The following SEL1L2 variants were observed in gnomAD, a reference collection of about 807,000 sequenced individuals.
SEL1L2 encodes the protein SEL1L2 adaptor subunit of SYVN1 ubiquitin ligase.
SEL1L2 carries 89 observed loss-of-function variants against 98.8 expected under a neutral mutation model. The ratio of observed to expected loss-of-function variants is 0.90; its 90% CI spans 0.76 to 1.07. SEL1L2 has a LOEUF of 1.07. SEL1L2 is among the 50% of genes least tolerant of loss of function. SEL1L2 has a pLI of 0.00. For synonymous variants in SEL1L2, 262 were observed against 278.5 expected, an observed-to-expected ratio of 0.94 and a Z score of 0.59; for missense variants, 788 against 812.0, an observed-to-expected ratio of 0.97 and a Z score of 0.36.
chr20:13,885,906 G>A (rs2046928831), intron 9 of SEL1L2, among the ~76,000 whole-genome samples: 1 of 152,006 alleles, frequency 6.6e-6, no homozygotes, highest in Admixed American at 6.6e-5. Flanking sequence ...GTGGTGGTGT[G>A]GGCACCTGTA....
chr20:13,993,989 T>C (rs1399622494), upstream of SEL1L2, among the ~76,000 whole-genome samples: 1 of 152,164 alleles, frequency 6.6e-6, no homozygotes, highest in African/African-American at 2.4e-5. Flanking sequence ...TTATCCCAAA[T>C]CTATTTTTTT....
In SEL1L2 at chr20:13,849,400, T is replaced by G; in HGVS notation, c.*85A>C. The G allele has an allele frequency of 6.5e-7, 1 of 1,538,468 alleles. No individual in the cohort carries two copies. The highest frequency in any genetic ancestry group is 1.4e-5 in the African/African-American group (1 of 73,596). ...TGAGCGGGAAACTGCAGCGGACTCT[T>G]GATTTGGATGGGAAACTGTTTATTT... On this transcript the variant is annotated 3_prime_UTR_variant, in exon 20 of 20. Coordinates refer to ENST00000284951, the MANE Select transcript of SEL1L2 (RefSeq NM_025229.2).
intron 5 of SEL1L2, among the ~76,000 whole-genome samples, chr20:13,888,971 T>A (rs1233106311): frequency 6.7e-6 from 1 of 148,896 alleles, no homozygotes; most frequent in Admixed American, 6.7e-5. Flanking sequence ...CTTTTTTTTT[T>A]TTTTGAGACG....
intron 3 of SEL1L2, among the ~76,000 whole-genome samples, chr20:13,922,787 T>C (rs1214464810): frequency 6.6e-6 from 1 of 152,208 alleles, no homozygotes; most frequent in Admixed American, 6.5e-5. Context: ...TGGAATGTGC[T>C]ATCTTTTTCC....
At chr20:13,967,884 C>T (rs1016012839) in intron 1 of SEL1L2, among the ~76,000 whole-genome samples, 1 of 152,162 alleles carries the variant, frequency 6.6e-6, no homozygotes, top group Non-Finnish European at 1.5e-5. Context: ...CTATTCCATT[C>T]CTCTCTTAAC....
chr20:13,960,463 C>A (rs1200137795), intron 1 of SEL1L2, among the ~76,000 whole-genome samples: 1 of 152,164 alleles, frequency 6.6e-6, no homozygotes, highest in African/African-American at 2.4e-5. Context: ...TAAAACATAA[C>A]ATGAAGACAA....
intron 4 of SEL1L2, among the ~76,000 whole-genome samples, chr20:13,917,183 T>G (rs2148214238): frequency 6.6e-6 from 1 of 152,256 alleles, no homozygotes; most frequent in African/African-American, 2.4e-5. Flanking sequence ...CCACATCTGT[T>G]TCTTCTAGCT....
chr20:13,933,990 T>A (rs1251496120), intron 2 of SEL1L2, among the ~76,000 whole-genome samples: 1 of 148,604 alleles, frequency 6.7e-6, no homozygotes, highest in Non-Finnish European at 1.5e-5. Context: ...TTTCCACAGG[T>A]TTTGGGAGAA....
chr20:13,991,406 C>A (rs984372447), upstream of SEL1L2, among the ~76,000 whole-genome samples: 1 of 152,180 alleles, frequency 6.6e-6, no homozygotes, highest in Non-Finnish European at 1.5e-5. Flanking sequence ...GGAATTTATT[C>A]TCTCATAGTT....
chr20:13,907,689 T>C (rs145503761), intron 5 of SEL1L2, among the ~76,000 whole-genome samples: 3,649 of 147,802 alleles, frequency 0.025, 118 homozygotes, highest in East Asian at 0.09. Flanking sequence ...TTTCTCTTTC[T>C]TTCTTTCTTT....
intron 1 of SEL1L2, among the ~76,000 whole-genome samples, chr20:13,960,819 C>T (rs1189336537): frequency 6.6e-6 from 1 of 152,070 alleles, no homozygotes; most frequent in Non-Finnish European, 1.5e-5. Flanking sequence ...GATCTACTTG[C>T]CTGAGGCTTT....
chr20:13,934,868 T>C (rs1187014456), intron 2 of SEL1L2, among the ~76,000 whole-genome samples: 2 of 152,036 alleles, frequency 1.3e-5, no homozygotes, highest in Admixed American at 1.3e-4. Context: ...TCAGCCACCT[T>C]CTATTAGCCC....
intron 5 of SEL1L2, 26 bp downstream of exon 5, chr20:13,913,756 A>G: frequency 6.7e-7 from 1 of 1,498,040 alleles, no homozygotes; most frequent in Non-Finnish European, 8.8e-7. Context: ...GAGCTATTTA[A>G]GGTTTCATTT....
intron 2 of SEL1L2, among the ~76,000 whole-genome samples, chr20:13,934,159 C>A (rs908708746): frequency 6.7e-6 from 1 of 149,210 alleles, no homozygotes; most frequent in African/African-American, 2.5e-5. Context: ...TCCATTGTAT[C>A]ATTCTTATGG....
intron 12 of SEL1L2, among the ~76,000 whole-genome samples, 171 bp from the exon 13 acceptor site, chr20:13,870,374 C>T (rs543801500): frequency 7.2e-5 from 11 of 152,336 alleles, no homozygotes; most frequent in African/African-American, 2.4e-4. Context: ...CATAAACCTT[C>T]TGGCTAGAAA....
chr20:13,908,716 T>C (rs1333569965), intron 5 of SEL1L2, among the ~76,000 whole-genome samples: 1 of 152,244 alleles, frequency 6.6e-6, no homozygotes, highest in African/African-American at 2.4e-5. Flanking sequence ...TCTCATTATT[T>C]GAAAGGTACA....
chr20:13,849,437 C>A lies in SEL1L2; in HGVS notation c.*48G>T. On this transcript the variant is annotated 3_prime_UTR_variant, in exon 20 of 20. Transcript: ENST00000284951. ...GAAACTGTTTATTTAGTGGGGATAC[C>A]TTGGAGTGAACTGATTCCCGTGAGC... The A allele has an allele frequency of 1.2e-6, 2 of 1,604,284 alleles. No homozygotes were observed. Among genetic ancestry groups the A allele is most frequent in the South Asian group, 1.1e-5 (1 of 89,508 alleles).
At position 13,866,773 on chromosome 20, in the gene SEL1L2, C is replaced by T. The variant is rs1203083134; in HGVS notation, c.1333G>A (p.Ala445Thr). The part of the protein sequence containing the change: ...YLASQSGQPL[A>T]IYYLAKMYAT... The stretch of plus-strand genomic sequence containing the variant: ...TACATCTTGGCCAGATAATAAATGG[C>T]AAGGGGCTGCCCACTCTGAGATGCC... Residue 445 changes from alanine to threonine, a missense_variant, in exon 15 of 20, where the codon GCC becomes ACC. Physicochemically the swap from Ala to Thr is moderately conservative, Grantham distance 58 (BLOSUM62 0). Transcript: ENST00000284951. 1.2e-5 allele frequency: 20 copies of T among 1,612,506 alleles called. No homozygotes were observed. Among genetic ancestry groups the T allele is most frequent in the Non-Finnish European group, 1.6e-5 (19 of 1,179,340 alleles).
intron 10 of SEL1L2, among the ~76,000 whole-genome samples, chr20:13,877,976 G>A (rs762083885): frequency 2.6e-5 from 4 of 152,202 alleles, no homozygotes; most frequent in Admixed American, 2.0e-4. Flanking sequence ...AGGTTTTACT[G>A]TGGTTGGCAG....
Sources: gnomAD v4.1 joint callset for allele counts (sites outside exome capture counted in the v4.1 genomes callset) on GRCh38, gnomAD v4.1.1 for gene constraint, MANE v1.5 for transcripts, NCBI Gene and HGNC (gene_info 2026-07-23, HGNC 2026-07-21) for gene names.